The following BANK1 variants were observed in gnomAD, a reference collection of about 807,000 sequenced individuals.
The protein encoded by BANK1 is B cell scaffold protein with ankyrin repeats 1, also known as B-cell scaffold protein with ankyrin repeats.
In BANK1, 95 loss-of-function variants were observed where a neutral mutation model predicts 94.5. The ratio of observed to expected loss-of-function variants is 1.00; its 90% CI spans 0.85 to 1.19. BANK1 has a LOEUF of 1.19. Among genes scored for constraint, BANK1 ranks in the 50% most tolerant of loss-of-function variants. The pLI is 0.00. For missense variants in BANK1, 987 were observed against 932.2 expected (o/e 1.06, Z -0.77); for synonymous variants, 334 against 308.4 (o/e 1.08, Z -0.87).
intron 9 of BANK1, among the ~76,000 whole-genome samples, chr4:102,025,777 T>G (rs1727070845): frequency 6.7e-6 from 1 of 150,214 alleles, no homozygotes; most frequent in Non-Finnish European, 1.5e-5. Flanking sequence ...CTTCTCCCAC[T>G]TTTTCTCTGT....
intron 1 of BANK1, among the ~76,000 whole-genome samples, chr4:101,824,802 T>C (rs1372444191): frequency 6.6e-6 from 1 of 152,136 alleles, no homozygotes; most frequent in Admixed American, 6.5e-5. Flanking sequence ...TGAGATTGGA[T>C]TTTATTCAAA....
intron 5 of BANK1, among the ~76,000 whole-genome samples, chr4:101,876,008 T>A (rs1728476322): frequency 1.3e-5 from 2 of 152,000 alleles, no homozygotes; most frequent in South Asian, 4.1e-4. Context: ...TCCCTCTGCT[T>A]TAGGAAAGGA....
chr4:101,904,993 C>T (rs1230388149), intron 6 of BANK1, among the ~76,000 whole-genome samples: 1 of 152,204 alleles, frequency 6.6e-6, no homozygotes, highest in Non-Finnish European at 1.5e-5. Context: ...ACCCAATAAG[C>T]TGCTTTGCCT....
rs1314299552 is a variant in BANK1 at position 101,886,962 on chromosome 4, T to G, written c.904-8343T>G. 2.0e-5 allele frequency among the ~76,000 whole-genome samples: 3 copies of G among 152,228 alleles called. 1 individual carries two copies. The highest frequency in any genetic ancestry group is 4.4e-5 in the Non-Finnish European group (3 of 68,040). On this transcript the variant is annotated intron_variant, in intron 5 of 16. Transcript: ENST00000322953. ...ATAATATAACATTCATCTGAGGACA[T>G]GGCAATATTGCATTTCCTCCCTTGA...
Position 101,860,810 on chromosome 4 carries a change from G to A in BANK1, c.625-1716G>A, listed in dbSNP as rs748174577. ...TGGATAAAACACTGGGAGAGTGCAT[G>A]TGTACTATCCAAATGTGGAAAGCCA... On this transcript the variant is annotated intron_variant, in intron 3 of 16. Transcript: ENST00000322953. 6.6e-5 allele frequency among the ~76,000 whole-genome samples: 10 copies of A among 152,192 alleles called. 1 individual carries two copies. Among genetic ancestry groups the A allele is most frequent in the Admixed American group, 5.2e-4 (8 of 15,276 alleles).
intron 1 of BANK1, chr4:101,813,877 CTACT>C (rs2148855623): frequency 2.0e-6 from 2 of 985,428 alleles, no homozygotes; most frequent in African/African-American, 3.5e-5. Flanking sequence ...GGGTGGGGGA[CTACT>C]TGCTTGCTGG....
chr4:101,995,828 G>T (rs920534185), intron 7 of BANK1, among the ~76,000 whole-genome samples: 1 of 152,056 alleles, frequency 6.6e-6, no homozygotes, highest in African/African-American at 2.4e-5. Flanking sequence ...TAAGTTCCTT[G>T]TAGATTCTGG....
chr4:101,873,508 C>T (rs749039769), intron 5 of BANK1, among the ~76,000 whole-genome samples: 1 of 152,050 alleles, frequency 6.6e-6, no homozygotes, highest in Non-Finnish European at 1.5e-5. Flanking sequence ...CTTGTATTAT[C>T]ATTTTAAAAA....
In BANK1 at chr4:101,897,183, G is replaced by C. The variant is rs149059456; in HGVS notation, c.1009+1773G>C. ...AGTCATAACCTTCATTCAAGCTAGG[G>C]AACCAATGAAGACAGAGAAAGGAAA... On this transcript the variant is annotated intron_variant, in intron 6 of 16. Transcript: ENST00000322953. 2.0e-3 allele frequency among the ~76,000 whole-genome samples: 303 copies of C among 151,976 alleles called. 1 individual carries two copies. Among genetic ancestry groups the C allele is most frequent in the African/African-American group, 6.9e-3 (287 of 41,500 alleles).
intron 7 of BANK1, among the ~76,000 whole-genome samples, chr4:101,957,174 T>C (rs1231652857): frequency 6.6e-6 from 1 of 152,224 alleles, no homozygotes; most frequent in Non-Finnish European, 1.5e-5. Flanking sequence ...CTAACCTGTC[T>C]AAGCTATATC....
intron 7 of BANK1, among the ~76,000 whole-genome samples, chr4:101,955,535 A>G (rs1025786426): frequency 2.6e-4 from 39 of 152,288 alleles, no homozygotes; most frequent in African/African-American, 9.1e-4. Context: ...ATATAAAACA[A>G]GACAAATGAT....
chr4:101,830,874 G>A (rs368606494), intron 2 of BANK1, among the ~76,000 whole-genome samples: 1 of 152,224 alleles, frequency 6.6e-6, no homozygotes. Context: ...GGGAAGGAGT[G>A]AAGCTATCAT....
intron 1 of BANK1, among the ~76,000 whole-genome samples, chr4:101,820,579 AAG>A (rs1726104172): frequency 6.6e-6 from 1 of 152,148 alleles, no homozygotes; most frequent in Non-Finnish European, 1.5e-5. Context: ...CCCAGGAATT[AAG>A]GCCAGTACCC....
chr4:102,030,872 C>A (rs1008904965), intron 10 of BANK1, among the ~76,000 whole-genome samples: 2 of 152,120 alleles, frequency 1.3e-5, no homozygotes, highest in Middle Eastern at 3.2e-3. Context: ...CAAGTCTTTG[C>A]TATTATGAAT....
At chr4:101,866,096 A>G (rs1389931994) in intron 4 of BANK1, among the ~76,000 whole-genome samples, 2 of 152,212 alleles carry the variant, frequency 1.3e-5, no homozygotes, top group African/African-American at 4.8e-5. Flanking sequence ...AGAATTAGAT[A>G]TGACATACAT....
At chr4:102,024,629 C>T (rs959981987) in intron 8 of BANK1, among the ~76,000 whole-genome samples, 5 of 151,702 alleles carry the variant, frequency 3.3e-5, no homozygotes, top group Non-Finnish European at 7.4e-5. Context: ...ATTTACATGC[C>T]TTTTTCACCA....
rs1727244528 is a variant in BANK1, at chr4:102,030,184, A to T, written c.1819A>T (p.Ile607Phe). 4 of 1,614,010 alleles carry T rather than the reference A, an allele frequency of 2.5e-6. 1 individual carries two copies. The highest frequency in any genetic ancestry group is 3.4e-6 in the Non-Finnish European group (4 of 1,179,898). Residue 607 changes from isoleucine to phenylalanine, a missense_variant, in exon 10 of 17, where the codon ATT becomes TTT. Transcript: ENST00000322953. Reference sequence around the variant, plus strand: ...GAAAAAAACTGGGAGTCGGTCTTTCATTATAAATAGACCTCCTGCCCCCAC... The same window carrying T: ...GAAAAAAACTGGGAGTCGGTCTTTCTTTATAAATAGACCTCCTGCCCCCAC... ...IKKKTGSRSFIINRPPAPTPR... is the reference protein window; with the variant it reads ...IKKKTGSRSFFINRPPAPTPR...
chr4:101,919,772 T>C (rs1237023640), intron 7 of BANK1, among the ~76,000 whole-genome samples: 51 of 152,030 alleles, frequency 3.4e-4, no homozygotes, highest in Admixed American at 3.3e-3. Flanking sequence ...ATTTTGTGAA[T>C]GTTCTGCTGT....
At chr4:101,821,189 C>A (rs1560587596) in intron 1 of BANK1, among the ~76,000 whole-genome samples, 1 of 152,160 alleles carries the variant, frequency 6.6e-6, no homozygotes, top group African/African-American at 2.4e-5. Flanking sequence ...ATTTTCATTT[C>A]TCTAATGATC....
Sources: allele counts gnomAD v4.1 joint callset (sites outside exome capture counted in the v4.1 genomes callset), GRCh38; gene constraint gnomAD v4.1.1; transcripts MANE v1.5; gene names NCBI Gene and HGNC (gene_info 2026-07-23, HGNC 2026-07-21).